The following NXPE2 variants were observed in gnomAD, a reference collection of about 807,000 sequenced individuals.
NXPE2 encodes the protein neurexophilin and PC-esterase domain family member 2.
NXPE2 carries 34 observed loss-of-function variants against 34.4 expected under a neutral mutation model. The ratio of observed to expected loss-of-function variants is 0.99; its 90% CI spans 0.75 to 1.31. The LOEUF (loss-of-function observed/expected upper bound fraction) is 1.31. Ranked by LOEUF, NXPE2 falls within the 40% of genes most tolerant of loss-of-function variation. NXPE2 has a pLI of 0.00. For synonymous variants in NXPE2, 235 were observed against 231.3 expected, an observed-to-expected ratio of 1.02 and a Z score of -0.15; for missense variants, 649 against 672.5, an observed-to-expected ratio of 0.97 and a Z score of 0.39.
the NXPE2 span, among the ~76,000 whole-genome samples, chr11:114,748,474 G>C: frequency 6.6e-6 from 1 of 152,168 alleles, no homozygotes; most frequent in African/African-American, 2.4e-5. Flanking sequence ...GCTTTTCACT[G>C]TCTTGTCTTC....
chr11:114,594,464 G>T, the NXPE2 span, among the ~76,000 whole-genome samples: 1 of 152,172 alleles, frequency 6.6e-6, no homozygotes, highest in African/African-American at 2.4e-5. Context: ...GACAAAGAAA[G>T]AATGTGTATG....
chr11:114,636,142 C>T, the NXPE2 span, among the ~76,000 whole-genome samples: 2,229 of 151,838 alleles, frequency 0.015, 49 homozygotes, highest in African/African-American at 0.051. Context: ...AATTTCAGAG[C>T]CTGTTATTGG....
the NXPE2 span, among the ~76,000 whole-genome samples, chr11:114,734,887 T>C: frequency 1.3e-5 from 2 of 152,134 alleles, no homozygotes; most frequent in Non-Finnish European, 1.5e-5. Flanking sequence ...GGCGGGCGGA[T>C]CACAAGGTCA....
the NXPE2 span, among the ~76,000 whole-genome samples, chr11:114,633,018 T>G: frequency 9.1e-6 from 1 of 110,248 alleles, no homozygotes; most frequent in African/African-American, 3.7e-5. Context: ...TATTATATAA[T>G]ATATAATGTA....
the NXPE2 span, among the ~76,000 whole-genome samples, chr11:114,807,089 C>T: frequency 6.6e-6 from 1 of 151,392 alleles, no homozygotes; most frequent in African/African-American, 2.4e-5. Context: ...TCCAACCAAA[C>T]TAAGCTTCAT....
the NXPE2 span, among the ~76,000 whole-genome samples, chr11:114,731,129 T>A: frequency 6.6e-6 from 1 of 152,172 alleles, no homozygotes; most frequent in Non-Finnish European, 1.5e-5. Context: ...TATCAAAAGC[T>A]TTTTCTGCAT....
At chr11:114,608,811 G>A in the NXPE2 span, among the ~76,000 whole-genome samples, 17 of 151,780 alleles carry the variant, frequency 1.1e-4, no homozygotes, top group East Asian at 9.8e-4. Flanking sequence ...GTGTTGCCTC[G>A]TGGGTAAGCA....
chr11:114,625,484 T>A, the NXPE2 span, among the ~76,000 whole-genome samples: 1 of 152,172 alleles, frequency 6.6e-6, no homozygotes, highest in Non-Finnish European at 1.5e-5. Flanking sequence ...GGATAATATG[T>A]ATGGCCTCGT....
chr11:114,639,907 A>AAAATATAATATTATATTATATATTATATT, the NXPE2 span, among the ~76,000 whole-genome samples: 1 of 115,682 alleles, frequency 8.6e-6, no homozygotes, highest in Non-Finnish European at 1.6e-5. Flanking sequence ...TATTAAATAT[A>AAAATATAATATTATATTATATATTATATT]AAATATAATA....
the NXPE2 span, among the ~76,000 whole-genome samples, chr11:114,521,145 A>G: frequency 6.6e-6 from 1 of 151,872 alleles, no homozygotes; most frequent in African/African-American, 2.4e-5. Context: ...TTTATCTATT[A>G]GGGTTATTGA....
chr11:114,480,701 C>T, the NXPE2 span, among the ~76,000 whole-genome samples: 6 of 152,082 alleles, frequency 3.9e-5, no homozygotes, highest in South Asian at 2.1e-4. Flanking sequence ...ATACAGCGAC[C>T]GTTGGTTAAA....
chr11:114,539,320 T>C, the NXPE2 span, among the ~76,000 whole-genome samples: 1 of 151,426 alleles, frequency 6.6e-6, no homozygotes, highest in South Asian at 2.1e-4. Context: ...CATTAGGAGA[T>C]ATACCTATTG....
At chr11:114,791,740 C>G in the NXPE2 span, among the ~76,000 whole-genome samples, 2 of 152,214 alleles carry the variant, frequency 1.3e-5, no homozygotes, top group African/African-American at 2.4e-5. Context: ...GAAATTCACA[C>G]TTGGTGCCAG....
At chr11:114,600,841 A>G in the NXPE2 span, among the ~76,000 whole-genome samples, 4 of 152,084 alleles carry the variant, frequency 2.6e-5, no homozygotes, top group South Asian at 2.1e-4. Flanking sequence ...AGAATCCTCT[A>G]TACTATTTTG....
intron 2 of NXPE2, among the ~76,000 whole-genome samples, chr11:114,682,740 A>G (rs1348395113): frequency 6.6e-6 from 1 of 152,196 alleles, no homozygotes; most frequent in African/African-American, 2.4e-5. Flanking sequence ...AAGGCAAAAG[A>G]GAAGACCTTT....
At chr11:114,539,438 A>T in the NXPE2 span, among the ~76,000 whole-genome samples, 60 of 152,228 alleles carry the variant, frequency 3.9e-4, no homozygotes, top group Non-Finnish European at 7.2e-4. Context: ...TATAATAATA[A>T]CAAAGAAAAT....
At chr11:114,766,701 C>G in the NXPE2 span, among the ~76,000 whole-genome samples, 2 of 152,110 alleles carry the variant, frequency 1.3e-5, no homozygotes, top group African/African-American at 2.4e-5. Context: ...GAAAGTGCCT[C>G]TCAGTGTTCA....
chr11:114,663,619 ATC>A, the NXPE2 span, among the ~76,000 whole-genome samples: 2 of 95,222 alleles, frequency 2.1e-5, no homozygotes, highest in Non-Finnish European at 4.5e-5. Flanking sequence ...CTATCTATCT[ATC>A]TATCTATCTA....
chr11:114,752,375 T>G, the NXPE2 span, among the ~76,000 whole-genome samples: 1 of 152,234 alleles, frequency 6.6e-6, no homozygotes, highest in Non-Finnish European at 1.5e-5. Context: ...TTGAGTTAGA[T>G]GGAAGCCATT....
Sources: allele counts gnomAD v4.1 joint callset (sites outside exome capture counted in the v4.1 genomes callset), GRCh38; gene constraint gnomAD v4.1.1; transcripts MANE v1.5; gene names NCBI Gene and HGNC (gene_info 2026-07-23, HGNC 2026-07-21).